The following ZDHHC14 variants were observed in gnomAD, a reference collection of about 807,000 sequenced individuals.
ZDHHC14 encodes the protein zDHHC palmitoyltransferase 14, also known as palmitoyltransferase ZDHHC14.
Under a neutral mutation model 47.7 loss-of-function variants are expected in ZDHHC14, and 16 were observed. That is an observed-to-expected ratio of 0.34 (90% CI 0.23 to 0.51). The LOEUF is 0.51. Among genes scored for constraint, ZDHHC14 ranks in the 20% least tolerant of loss-of-function variants. The pLI, the probability that ZDHHC14 is intolerant of heterozygous loss-of-function variation, is 0.97. For missense variants in ZDHHC14, 515 were observed against 662.5 expected (o/e 0.78, Z 2.44); for synonymous variants, 293 against 278.9 (o/e 1.05, Z -0.50).
chr6:157,552,514 A>C (rs976212472), intron 2 of ZDHHC14, among the ~76,000 whole-genome samples: 25 of 152,242 alleles, frequency 1.6e-4, no homozygotes, highest in African/African-American at 6.0e-4. Context: ...AGGCATTTTT[A>C]TTCCAAGTGT....
At position 157,463,800 on chromosome 6, in the gene ZDHHC14, G is replaced by A. The variant is rs548092526; in HGVS notation, c.246-78785G>A. On this transcript the variant is annotated intron_variant, in intron 1 of 8. Coordinates refer to ENST00000359775, the MANE Select transcript of ZDHHC14 (RefSeq NM_024630.3). This position sits in a 1 kb window ranked among gnomAD's most constrained non-coding sequence, Gnocchi z 4.4. The stretch of plus-strand genomic sequence containing the variant: ...AGCACTTTGGGTGGCTGAGGCAGGC[G>A]GATGACCTGAGGTCAGGAGTTCGAG... Among the ~76,000 whole-genome samples the A allele has an allele frequency of 1.2e-4, 19 of 152,144 alleles. No individual in the cohort carries two copies. Among genetic ancestry groups the A allele is most frequent in the Non-Finnish European group, 2.4e-4 (16 of 68,034 alleles).
intron 1 of ZDHHC14, among the ~76,000 whole-genome samples, chr6:157,456,769 A>G (rs1778926677): frequency 6.6e-6 from 1 of 152,086 alleles, no homozygotes; most frequent in South Asian, 2.1e-4. Flanking sequence ...AATTCAGTGA[A>G]CCGTTCTGTT....
At chr6:157,521,241 G>A (rs902015195) in intron 1 of ZDHHC14, among the ~76,000 whole-genome samples, 4 of 152,186 alleles carry the variant, frequency 2.6e-5, no homozygotes, top group African/African-American at 9.7e-5. Flanking sequence ...TTGGAGTCAG[G>A]CATTACAGCT....
intron 2 of ZDHHC14, among the ~76,000 whole-genome samples, chr6:157,590,646 A>T (rs1432075682): frequency 1.3e-5 from 2 of 152,252 alleles, no homozygotes; most frequent in Non-Finnish European, 2.9e-5. Flanking sequence ...TACCTCTGTT[A>T]GGGCAGTGCA....
In ZDHHC14 at chr6:157,460,801, T is replaced by C. The variant is rs1779062647; in HGVS notation, c.245+78535T>C. On this transcript the variant is annotated intron_variant, in intron 1 of 8. Coordinates refer to ENST00000359775, the MANE Select transcript of ZDHHC14 (RefSeq NM_024630.3). ...CGTTTGCTTATGGCTGGGGATGGGT[T>C]AGAGACAGCAGGCGAGGAGGGTTTC... is the stretch of plus-strand genomic sequence containing the variant. 2.0e-5 allele frequency among the ~76,000 whole-genome samples: 3 copies of C among 152,172 alleles called. No individual in the cohort carries two copies. In the South Asian group the frequency reaches 6.2e-4, roughly 32 times the overall value.
rs921566880 is a variant in ZDHHC14 at position 157,592,672 on chromosome 6, G to A, written c.407-316G>A. ...CCCAAGATGGCCTGGGGCCTCTCCT[G>A]CCGCCTACAGGGAGGGGAGGGGGAA... is the stretch of plus-strand genomic sequence containing the variant. On this transcript the variant is annotated intron_variant, in intron 2 of 8. Transcript: ENST00000359775. The A allele has an allele frequency of 7.0e-6, 7 of 1,002,164 alleles. No homozygotes were observed. The African/African-American group carries it at 8.6e-5, about 12-fold the overall frequency. The allele number at this position is 1,002,164 out of a possible 1,614,324, so 62.1% of individuals were successfully genotyped here.
intron 1 of ZDHHC14, among the ~76,000 whole-genome samples, chr6:157,431,040 T>C (rs1562422180): frequency 6.6e-6 from 1 of 152,194 alleles, no homozygotes; most frequent in East Asian, 1.9e-4. Flanking sequence ...ATAGCAGCTG[T>C]CTTCATCTGG....
In ZDHHC14 at chr6:157,593,083, T is replaced by C; in HGVS notation, c.502T>C (p.Phe168Leu). The C allele has an allele frequency of 6.2e-7, 1 of 1,614,144 alleles. No individual in the cohort carries two copies. Among genetic ancestry groups the C allele is most frequent in the Non-Finnish European group, 8.5e-7 (1 of 1,180,002 alleles). ...NGQTVKLKYC[F>L]TCKIFRPPRA... The stretch of plus-strand genomic sequence containing the variant: ...CCAGACCGTGAAACTTAAATACTGT[T>C]TCACCTGCAAGATTTTCCGGCCCCC... Residue 168 changes from phenylalanine (F) to leucine (L), a missense_variant, in exon 3 of 9, where the codon TTC becomes CTC. Physicochemically the swap from Phe to Leu is conservative, Grantham distance 22. Coordinates refer to ENST00000359775, the MANE Select transcript of ZDHHC14 (RefSeq NM_024630.3).
chr6:157,504,691 G>T (rs577301781), intron 1 of ZDHHC14, among the ~76,000 whole-genome samples: 1 of 150,512 alleles, frequency 6.6e-6, no homozygotes, highest in East Asian at 2.0e-4. Context: ...GGTTACAGGC[G>T]TGAGCCACCG....
intron 1 of ZDHHC14, among the ~76,000 whole-genome samples, chr6:157,469,006 A>G (rs138942646): frequency 6.6e-6 from 1 of 152,160 alleles, no homozygotes; most frequent in Admixed American, 6.6e-5. Context: ...TCTGGGAGGG[A>G]AGAGGTCTTA....
chr6:157,398,361 C>A (rs1163345939), intron 1 of ZDHHC14, among the ~76,000 whole-genome samples: 1 of 152,178 alleles, frequency 6.6e-6, no homozygotes, highest in East Asian at 1.9e-4. Flanking sequence ...GATGGAGGGG[C>A]AGCCTGCCAG....
intron 1 of ZDHHC14, among the ~76,000 whole-genome samples, chr6:157,483,879 A>G (rs955171251): frequency 9.9e-5 from 15 of 152,196 alleles, no homozygotes; most frequent in African/African-American, 3.1e-4. Context: ...AGTTAAAAAT[A>G]GACATGGAGT....
chr6:157,509,530 G>A (rs909476638), intron 1 of ZDHHC14, among the ~76,000 whole-genome samples: 3 of 152,138 alleles, frequency 2.0e-5, no homozygotes, highest in African/African-American at 7.2e-5. Context: ...GTTAGTAGGC[G>A]GCAGAGCTGG....
At chr6:157,400,365 C>T (rs1562410373) in intron 1 of ZDHHC14, among the ~76,000 whole-genome samples, 1 of 152,180 alleles carries the variant, frequency 6.6e-6, no homozygotes. Context: ...GACTGGATAG[C>T]CCCTGCTGCA....
chr6:157,575,464 C>T (rs1177044423), intron 2 of ZDHHC14, among the ~76,000 whole-genome samples: 8 of 152,186 alleles, frequency 5.3e-5, no homozygotes, highest in African/African-American at 1.4e-4. Context: ...TTCCTCCTCT[C>T]TCAGATCTCC....
Position 157,532,424 on chromosome 6 carries a change from C to T in ZDHHC14, c.246-10161C>T, listed in dbSNP as rs1284388100. On this transcript the variant is annotated intron_variant, in intron 1 of 8. Coordinates refer to ENST00000359775, the MANE Select transcript of ZDHHC14 (RefSeq NM_024630.3). ...TAATTTGTATAGCATTTGATTCTTT[C>T]TCATTCCTGAACGCCTCCTTTCCCA... is the stretch of plus-strand genomic sequence containing the variant. Among the ~76,000 whole-genome samples the T allele has an allele frequency of 2.6e-5, 4 of 152,194 alleles. No individual in the cohort carries two copies. The East Asian group carries it at 7.7e-4, about 29-fold the overall frequency.
chr6:157,638,266 G>A (rs746022543), intron 5 of ZDHHC14, among the ~76,000 whole-genome samples: 2 of 152,188 alleles, frequency 1.3e-5, no homozygotes, highest in Non-Finnish European at 2.9e-5. Context: ...GTGCACTTCT[G>A]GCTCAGAGTC....
intron 1 of ZDHHC14, among the ~76,000 whole-genome samples, chr6:157,392,645 ATGTG>A (rs372653506): frequency 6.1e-5 from 9 of 147,332 alleles, no homozygotes; most frequent in Non-Finnish European, 7.5e-5. Context: ...TAAGAGAAAG[ATGTG>A]TGTGTGTGTG....
chr6:157,515,190 G>T (rs147767420), intron 1 of ZDHHC14, among the ~76,000 whole-genome samples: 151 of 152,228 alleles, frequency 9.9e-4, no homozygotes, highest in African/African-American at 2.7e-3. Flanking sequence ...GAGTACTAAT[G>T]AGTCATCCCA....
Sources: allele counts gnomAD v4.1 joint callset (sites outside exome capture counted in the v4.1 genomes callset), GRCh38; gene constraint gnomAD v4.1.1; non-coding constraint Gnocchi (gnomAD v3.1); transcripts MANE v1.5; gene names NCBI Gene and HGNC (gene_info 2026-07-23, HGNC 2026-07-21).